DOK6: variants seen among roughly 807,000 people sequenced by gnomAD.
DOK6 encodes docking protein 6.
Under a neutral mutation model 44.0 loss-of-function variants are expected in DOK6, and 22 were observed. The ratio of observed to expected loss-of-function variants is 0.50; its 90% CI spans 0.36 to 0.71. The LOEUF (loss-of-function observed/expected upper bound fraction) is 0.71. Among genes scored for constraint, DOK6 ranks in the 30% least tolerant of loss-of-function variants. The probability of loss-of-function intolerance (pLI) is 0.00; values close to 1 mark genes in which losing one functional copy is unlikely to be tolerated. For synonymous variants in DOK6, 166 were observed against 145.5 expected, an observed-to-expected ratio of 1.14 and a Z score of -1.01; for missense variants, 340 against 416.4, an observed-to-expected ratio of 0.82 and a Z score of 1.60.
At chr18:69,589,562 T>A (rs1983579369) in intron 2 of DOK6, among the ~76,000 whole-genome samples, 1 of 152,122 alleles carries the variant, frequency 6.6e-6, no homozygotes, top group Non-Finnish European at 1.5e-5. Context: ...ATCTCAATTA[T>A]CATGATGCAA....
In DOK6 at chr18:69,667,795, T is replaced by C. The variant is rs549458757; in HGVS notation, c.290-9939T>C. On this transcript the variant is annotated intron_variant, in intron 3 of 7. Coordinates refer to ENST00000382713, the MANE Select transcript of DOK6 (RefSeq NM_152721.6). Reference sequence around the variant, plus strand: ...GGTCTTAGCCCTTAAATGTCTTCTTTTTTTCTACCTACTCAGACTTCTTGG... The same window carrying C: ...GGTCTTAGCCCTTAAATGTCTTCTTCTTTTCTACCTACTCAGACTTCTTGG... 1.2e-3 allele frequency among the ~76,000 whole-genome samples: 185 copies of C among 152,296 alleles called. 3 individuals are homozygous for C. Among genetic ancestry groups the C allele is most frequent in the South Asian group, 4.1e-4 (2 of 4,828 alleles).
At chr18:69,443,511 C>G (rs1979193547) in intron 1 of DOK6, among the ~76,000 whole-genome samples, 1 of 152,100 alleles carries the variant, frequency 6.6e-6, no homozygotes, top group Non-Finnish European at 1.5e-5. Flanking sequence ...AAACCTGAAC[C>G]CATATCTTTT....
intron 7 of DOK6, among the ~76,000 whole-genome samples, chr18:69,779,741 T>G (rs1278608174): frequency 6.6e-6 from 1 of 151,732 alleles, no homozygotes; most frequent in East Asian, 1.9e-4. Flanking sequence ...TATTTGTGTG[T>G]TCTTAATCTG....
intron 4 of DOK6, 60 bp downstream of exon 4, chr18:69,677,913 A>G: frequency 1.3e-6 from 2 of 1,539,140 alleles, no homozygotes; most frequent in Admixed American, 2.0e-5. Flanking sequence ...GAACTTTGAA[A>G]CTGGAAAGGA....
intron 1 of DOK6, among the ~76,000 whole-genome samples, chr18:69,539,471 T>TC: frequency 6.6e-6 from 1 of 151,350 alleles, no homozygotes; most frequent in East Asian, 1.9e-4. Flanking sequence ...AAACAGCTTT[T>TC]TTTTTTTTTT....
chr18:69,611,025 G>A (rs12954369), intron 3 of DOK6, among the ~76,000 whole-genome samples: 3,844 of 151,586 alleles, frequency 0.025, 53 homozygotes, highest in South Asian at 0.052. Flanking sequence ...GGATGGAAAA[G>A]GAAAAGGGAC....
chr18:69,514,991 T>C (rs1981480182), intron 1 of DOK6, among the ~76,000 whole-genome samples: 1 of 152,176 alleles, frequency 6.6e-6, no homozygotes, highest in Non-Finnish European at 1.5e-5. Flanking sequence ...TTTAAATTAC[T>C]GATGGTGAAT....
intron 3 of DOK6, among the ~76,000 whole-genome samples, chr18:69,656,170 A>G (rs896733870): frequency 2.0e-5 from 3 of 152,246 alleles, no homozygotes; most frequent in African/African-American, 4.8e-5. Context: ...GTTAGCAACA[A>G]TAAGACAAAA....
intron 4 of DOK6, among the ~76,000 whole-genome samples, chr18:69,692,821 C>G (rs1370196708): frequency 6.6e-6 from 1 of 152,152 alleles, no homozygotes; most frequent in East Asian, 1.9e-4. Context: ...TATTTTAAAT[C>G]ATTATATAAC....
intron 2 of DOK6, among the ~76,000 whole-genome samples, chr18:69,568,125 C>A (rs1432698451): frequency 6.6e-6 from 1 of 152,218 alleles, no homozygotes; most frequent in Admixed American, 6.5e-5. Flanking sequence ...CCTGGCTCCC[C>A]CATGTTCAAC....
intron 7 of DOK6, among the ~76,000 whole-genome samples, chr18:69,828,307 T>C (rs1403043543): frequency 1.3e-5 from 2 of 151,874 alleles, no homozygotes; most frequent in East Asian, 1.9e-4. Flanking sequence ...TTCACTTAGA[T>C]TATGCCATTT....
intron 3 of DOK6, among the ~76,000 whole-genome samples, chr18:69,619,183 G>A (rs1984382430): frequency 6.6e-6 from 1 of 152,190 alleles, no homozygotes. Context: ...CCAGAAGAAC[G>A]TGGAACGCAA....
At chr18:69,432,872 T>C (rs1286094936) in intron 1 of DOK6, among the ~76,000 whole-genome samples, 1 of 152,200 alleles carries the variant, frequency 6.6e-6, no homozygotes, top group African/African-American at 2.4e-5. Context: ...AATTAATGAA[T>C]TAAGCTAAGG....
intron 7 of DOK6, among the ~76,000 whole-genome samples, chr18:69,814,802 G>T (rs1981347746): frequency 6.6e-6 from 1 of 152,012 alleles, no homozygotes; most frequent in African/African-American, 2.4e-5. Context: ...CACCCCCATG[G>T]TTCGGGCACT....
chr18:69,648,157 G>T (rs17081438), intron 3 of DOK6, among the ~76,000 whole-genome samples: 1 of 151,792 alleles, frequency 6.6e-6, no homozygotes, highest in Admixed American at 6.6e-5. Context: ...ATGAAACTAC[G>T]GCCACATTCA....
At chr18:69,750,673 G>T (rs12965305) in intron 6 of DOK6, among the ~76,000 whole-genome samples, 15,008 of 152,156 alleles carry the variant, frequency 0.099, 751 homozygotes, top group Middle Eastern at 0.15. Flanking sequence ...CAGCATGAAG[G>T]TTCCTCAAAC....
At chr18:69,591,002 C>T (rs1255560721) in intron 2 of DOK6, among the ~76,000 whole-genome samples, 1 of 152,168 alleles carries the variant, frequency 6.6e-6, no homozygotes. Context: ...TTCATTTTCA[C>T]TGTTTTGGTG....
At chr18:69,419,622 C>A (rs1356772822) in intron 1 of DOK6, among the ~76,000 whole-genome samples, 3 of 152,006 alleles carry the variant, frequency 2.0e-5, no homozygotes, top group African/African-American at 4.8e-5. Flanking sequence ...TCTTCAATTA[C>A]AAATATTAAG....
intron 1 of DOK6, among the ~76,000 whole-genome samples, chr18:69,412,414 G>A (rs79330853): frequency 0.056 from 8,570 of 152,078 alleles, 277 homozygotes; most frequent in Middle Eastern, 0.12. Context: ...TACTTTTGAG[G>A]GTTATTTTTT....
Sources: gnomAD v4.1 joint callset for allele counts (sites outside exome capture counted in the v4.1 genomes callset) on GRCh38, gnomAD v4.1.1 for gene constraint, MANE v1.5 for transcripts, NCBI Gene and HGNC (gene_info 2026-07-23, HGNC 2026-07-21) for gene names.